KYNU: variants seen among roughly 807,000 people sequenced by gnomAD.
KYNU encodes the protein kynureninase.
KYNU carries 54 observed loss-of-function variants against 59.2 expected under a neutral mutation model. The observed-to-expected ratio is 0.91, with a 90% CI of 0.73 to 1.14. KYNU has a LOEUF of 1.14. Among genes scored for constraint, KYNU ranks in the 50% most tolerant of loss-of-function variants. The pLI is 0.00. For synonymous variants in KYNU, 177 were observed against 192.0 expected (o/e 0.92, Z 0.65); for missense variants, 567 against 554.4 (o/e 1.02, Z -0.23).
At chr2:142,930,921 C>G (rs143655344) in intron 4 of KYNU, among the ~76,000 whole-genome samples, 1 of 152,092 alleles carries the variant, frequency 6.6e-6, no homozygotes, top group Admixed American at 6.6e-5. Context: ...TTTTAATGAG[C>G]GCCTGGGTGC....
chr2:142,881,916 C>CTTTTTTTTTTTTTTTTTTTTTT (rs869099302), intron 1 of KYNU, among the ~76,000 whole-genome samples: 2 of 113,172 alleles, frequency 1.8e-5, no homozygotes, highest in Non-Finnish European at 3.5e-5. Flanking sequence ...TTTCTTTTTT[C>CTTTTTTTTTTTTTTTTTTTTTT]TTTTTTTTTT....
At chr2:142,945,149 A>C (rs1345651276) in intron 4 of KYNU, among the ~76,000 whole-genome samples, 1 of 152,196 alleles carries the variant, frequency 6.6e-6, no homozygotes, top group Non-Finnish European at 1.5e-5. Flanking sequence ...ATAAGATAGC[A>C]ATCACGTTTG....
At chr2:142,895,301 T>C (rs1181910298) in intron 2 of KYNU, among the ~76,000 whole-genome samples, 1 of 152,188 alleles carries the variant, frequency 6.6e-6, no homozygotes, top group Non-Finnish European at 1.5e-5. Context: ...CTCTCCACTA[T>C]ACCTCTAATC....
At chr2:142,922,398 G>A (rs909111296) in intron 3 of KYNU, among the ~76,000 whole-genome samples, 58 of 151,992 alleles carry the variant, frequency 3.8e-4, no homozygotes, top group African/African-American at 1.3e-3. Flanking sequence ...CCAGCTATTC[G>A]TGAGGTTGAG....
intron 4 of KYNU, among the ~76,000 whole-genome samples, chr2:142,944,083 G>A (rs1444178856): frequency 6.6e-6 from 1 of 152,154 alleles, no homozygotes; most frequent in African/African-American, 2.4e-5. Flanking sequence ...AATACACAGA[G>A]TATTTTCTGT....
At chr2:142,950,973 G>A (rs548444531) in intron 4 of KYNU, among the ~76,000 whole-genome samples, 1 of 152,292 alleles carries the variant, frequency 6.6e-6, no homozygotes, top group East Asian at 1.9e-4. Context: ...GGAGAAGTGG[G>A]AGAGAAATGG....
chr2:142,941,771 A>G (rs1184586516), intron 4 of KYNU, among the ~76,000 whole-genome samples: 4 of 152,210 alleles, frequency 2.6e-5, no homozygotes, highest in Non-Finnish European at 4.4e-5. Context: ...ATAAAGGAGC[A>G]TCTGTTTCGG....
rs1012631434 is a variant in KYNU at position 143,053,460 on chromosome 2, G to A, written c.*11288G>A. Reference sequence around the variant, plus strand: ...TTTTGAAATGTGAGAACATTTAAGAGGGGCCAGGGGCAGAATGATATGGTT... The same window carrying A: ...TTTTGAAATGTGAGAACATTTAAGAAGGGCCAGGGGCAGAATGATATGGTT... On this transcript the variant is annotated 3_prime_UTR_variant, in exon 14 of 14. Transcript: ENST00000264170. 1 of 152,176 alleles carries A rather than the reference G, an allele frequency of 6.6e-6. No homozygotes were observed. The highest frequency in any genetic ancestry group is 1.5e-5 in the Non-Finnish European group (1 of 68,026). 9.4% of individuals were successfully genotyped at this position (152,176 alleles called of 1,614,324 possible).
intron 3 of KYNU, 63 bp from the exon 4 acceptor site, chr2:142,927,596 T>G: frequency 8.5e-7 from 1 of 1,174,006 alleles, no homozygotes; most frequent in Non-Finnish European, 1.3e-6. Flanking sequence ...AAGCTGATAT[T>G]TGAAATAATC....
Position 142,957,709 on chromosome 2 carries a change from A to G in KYNU, c.576A>G (p.Pro192=). ...NIEESMRMIK[P]REGEETLRIE... The stretch of plus-strand genomic sequence containing the variant: ...AAGAAAGTATGCGGATGATAAAGCC[A>G]AGAGAGGTATATGAGAAAGAAAGAA... Residue 192 remains proline, a synonymous_variant, in exon 7 of 14, where the codon CCA becomes CCG. Transcript: ENST00000264170. 2 of 1,589,284 alleles carry G rather than the reference A, an allele frequency of 1.3e-6. No individual in the cohort carries two copies. Among genetic ancestry groups the G allele is most frequent in the Non-Finnish European group, 1.7e-6 (2 of 1,157,740 alleles).
At chr2:142,902,329 G>T (rs925133433) in intron 2 of KYNU, among the ~76,000 whole-genome samples, 2 of 152,178 alleles carry the variant, frequency 1.3e-5, no homozygotes, top group Admixed American at 1.3e-4. Flanking sequence ...GTCTTGCCCC[G>T]TTGGTAAGCT....
rs1318149837 is a variant in KYNU, at chr2:143,047,590, T to C, written c.*5418T>C. The C allele has an allele frequency of 6.6e-6, 1 of 151,808 alleles. No individual in the cohort carries two copies. The highest frequency in any genetic ancestry group is 1.5e-5 in the Non-Finnish European group (1 of 67,986). The allele number at this position is 151,808 out of a possible 1,614,324, so 9.4% of individuals were successfully genotyped here. On this transcript the variant is annotated 3_prime_UTR_variant, in exon 14 of 14. Coordinates refer to ENST00000264170, the MANE Select transcript of KYNU (RefSeq NM_003937.3). The stretch of plus-strand genomic sequence containing the variant: ...TTCTTTCTCACAGGGTGTCACTCTG[T>C]TGCCCAGGCGGAGTGCAGTGGCACA...
chr2:143,000,444 G>A (rs538749525), intron 10 of KYNU, among the ~76,000 whole-genome samples: 3 of 152,056 alleles, frequency 2.0e-5, no homozygotes, highest in Middle Eastern at 3.2e-3. Flanking sequence ...TACTCTTATT[G>A]AGGTCAAAAT....
Position 142,956,195 on chromosome 2 carries a change from T to A in KYNU, c.436-8T>A. 1.3e-6 allele frequency: 2 copies of A among 1,498,220 alleles called. No individual in the cohort carries two copies. Among genetic ancestry groups the A allele is most frequent in the Non-Finnish European group, 1.9e-6 (2 of 1,075,958 alleles). The allele number at this position is 1,498,220 out of a possible 1,614,324, so 92.8% of individuals were successfully genotyped here. A position where few individuals can be genotyped will look rare whatever the true frequency, so the allele number is the denominator to read the frequency against. On this transcript the variant is annotated splice_region_variant and splice_polypyrimidine_tract_variant and intron_variant, in intron 5 of 13. Transcript: ENST00000264170. ...TAATGCTTTCTCAATAAATCCATTT[T>A]ATTGCAGTTATCATTTTTTAAGCCT... is the stretch of plus-strand genomic sequence containing the variant.
In KYNU at chr2:143,048,115, G is replaced by C. The variant is rs1687198241; in HGVS notation, c.*5943G>C. On this transcript the variant is annotated 3_prime_UTR_variant, in exon 14 of 14. Coordinates refer to ENST00000264170, the MANE Select transcript of KYNU (RefSeq NM_003937.3). ...CCACTTTGACCTTCCAAAATGCTGGGATTACGTGTGAGCCACCAAACCCAG... is the reference window on the plus strand; with the variant it reads ...CCACTTTGACCTTCCAAAATGCTGGCATTACGTGTGAGCCACCAAACCCAG... The C allele has an allele frequency of 6.6e-6, 1 of 152,030 alleles. No individual in the cohort carries two copies. Among genetic ancestry groups the C allele is most frequent in the Non-Finnish European group, 1.5e-5 (1 of 68,048 alleles). The allele number at this position is 152,030 out of a possible 1,614,324, so 9.4% of individuals were successfully genotyped here. A position where few individuals can be genotyped will look rare whatever the true frequency, so the allele number is the denominator to read the frequency against.
rs1687185044 is a variant in KYNU, at chr2:143,047,531, CTCTCTCTTTCTCTT to C, written c.*5371_*5384del. 6.6e-6 allele frequency: 1 copy of C among 151,098 alleles called. No homozygotes were observed. The highest frequency in any genetic ancestry group is 1.5e-5 in the Non-Finnish European group (1 of 67,816). 9.4% of individuals were successfully genotyped at this position (151,098 alleles called of 1,614,324 possible). A position where few individuals can be genotyped will look rare whatever the true frequency, so the allele number is the denominator to read the frequency against. ...CCTTCTTTCCTTGTTCTCTTTCTTT[CTCTCTCTTTCTCTT>C]TCTCTCTTTCTTTCTTTCTTTCTTT... On this transcript the variant is annotated 3_prime_UTR_variant, in exon 14 of 14. Coordinates refer to ENST00000264170, the MANE Select transcript of KYNU (RefSeq NM_003937.3).
chr2:143,004,844 G>A (rs1224540459), intron 10 of KYNU, among the ~76,000 whole-genome samples: 1 of 152,138 alleles, frequency 6.6e-6, no homozygotes, highest in African/African-American at 2.4e-5. Context: ...CTCATTAGGT[G>A]TCACCTGGAG....
intron 4 of KYNU, among the ~76,000 whole-genome samples, chr2:142,935,479 G>A (rs1683357916): frequency 6.6e-6 from 1 of 152,186 alleles, no homozygotes; most frequent in South Asian, 2.1e-4. Context: ...GTATCAGCCT[G>A]CGCCTGAGCT....
At chr2:142,982,382 A>G (rs1685076149) in intron 8 of KYNU, among the ~76,000 whole-genome samples, 1 of 152,124 alleles carries the variant, frequency 6.6e-6, no homozygotes, top group South Asian at 2.1e-4. Context: ...ACATTTTGAT[A>G]TGCAGTAAGT....
Sources: allele counts gnomAD v4.1 joint callset (sites outside exome capture counted in the v4.1 genomes callset), GRCh38; gene constraint gnomAD v4.1.1; transcripts MANE v1.5; gene names NCBI Gene and HGNC (gene_info 2026-07-23, HGNC 2026-07-21).